Variants in POLR2E observed in about 807,000 individuals in gnomAD.
POLR2E encodes DNA-directed RNA polymerases I, II, and III subunit RPABC1.
A neutral mutation model predicts 29.8 loss-of-function variants in POLR2E; 35 were observed. The ratio of observed to expected loss-of-function variants is 1.17; its 90% CI spans 0.90 to 1.55. The LOEUF is 1.55. Among genes scored for constraint, POLR2E ranks in the 40% most tolerant of loss-of-function variants. The pLI, the probability that POLR2E is intolerant of heterozygous loss-of-function variation, is 0.00. For missense variants in POLR2E, 287 were observed against 288.6 expected (o/e 0.99, Z 0.04); for synonymous variants, 174 against 112.6 (o/e 1.55, Z -3.45).
At position 1,093,977 on chromosome 19, in the gene POLR2E, C is replaced by T. The variant is rs75657655; in HGVS notation, c.159G>A (p.Pro53=). The T allele has an allele frequency of 5.6e-3, 8,959 of 1,613,710 alleles. 452 individuals are homozygous for T. The African/African-American group carries it at 0.11, about 19-fold the overall frequency. The change falls in exon 2 of 8, where the codon CCG becomes CCA. Residue 53 remains proline (P), a synonymous_variant. Coordinates refer to ENST00000615234, the MANE Select transcript of POLR2E (RefSeq NM_002695.5). ...QSGDKPSEGR[P]RRTDLTVLVA... is the part of the protein sequence containing the mutation. ...CCAGCACGGTGAGGTCCGTGCGCCG[C>T]GGCCGCCCCTCACTCGGCTTGTCCC...
chr19:1,087,146 G>GTAA lies in POLR2E; in HGVS notation c.*1588_*1589insTTA, dbSNP rs1684965454. 1 of 151,916 alleles carries GTAA rather than the reference G, an allele frequency of 6.6e-6. No individual in the cohort carries two copies. The highest frequency in any genetic ancestry group is 1.5e-5 in the Non-Finnish European group (1 of 67,996). The allele number at this position is 151,916 out of a possible 1,614,324, so 9.4% of individuals were successfully genotyped here. A position where few individuals can be genotyped will look rare whatever the true frequency, so the allele number is the denominator to read the frequency against. On this transcript the variant is annotated 3_prime_UTR_variant, in exon 8 of 8. Coordinates refer to ENST00000615234, the MANE Select transcript of POLR2E (RefSeq NM_002695.5). ...GTTGGGATTACAGGTGTGAGCCACTGTGCCCAGGTAATCTTAAAGTTTTTT... is the reference window on the plus strand; with the variant it reads ...GTTGGGATTACAGGTGTGAGCCACTGTAATGCCCAGGTAATCTTAAAGTTTTTT...
Position 1,086,647 on chromosome 19 carries a change from C to A in POLR2E, c.*2088G>T, listed in dbSNP as rs778835110. On this transcript the variant is annotated 3_prime_UTR_variant, in exon 8 of 8. Coordinates refer to ENST00000615234, the MANE Select transcript of POLR2E (RefSeq NM_002695.5). Reference sequence around the variant, plus strand: ...AATCGGGTGTTTTCTGTGGCAGCTGCAAGCTTAGAAGATTTTCTGTGGCAG... The same window carrying A: ...AATCGGGTGTTTTCTGTGGCAGCTGAAAGCTTAGAAGATTTTCTGTGGCAG... 6.7e-6 allele frequency: 1 copy of A among 149,940 alleles called. No individual in the cohort carries two copies. Among genetic ancestry groups the A allele is most frequent in the Non-Finnish European group, 1.5e-5 (1 of 67,916 alleles). 9.3% of individuals were successfully genotyped at this position (149,940 alleles called of 1,614,324 possible).
At chr19:1,093,809 T>C (rs1041694465) in intron 2 of POLR2E, 95 bp downstream of exon 2, 3 of 1,447,352 alleles carry the variant, frequency 2.1e-6, no homozygotes, top group African/African-American at 1.5e-5. Flanking sequence ...AGACAAATGC[T>C]GGGCACCAGG....
rs150548859 is a variant in POLR2E, at chr19:1,091,002, G to A, written c.349-14C>T. 1.1e-3 allele frequency: 1,789 copies of A among 1,612,742 alleles called. 5 individuals carry two copies. Among genetic ancestry groups the A allele is most frequent in the African/African-American group, 0.011 (794 of 75,034 alleles). On this transcript the variant is annotated splice_polypyrimidine_tract_variant and intron_variant, in intron 3 of 7. Transcript: ENST00000615234. ...GTCGACCAGGGACTGGAAGAGAGCG[G>A]CTCTAAGGCACGGCCCGGAGGGGCC...
chr19:1,092,512 T>A (rs59143200), intron 2 of POLR2E, among the ~76,000 whole-genome samples: 1 of 151,344 alleles, frequency 6.6e-6, no homozygotes, highest in Non-Finnish European at 1.5e-5. Flanking sequence ...CCACCCTGGC[T>A]AACAAGGTGA....
Position 1,089,522 on chromosome 19 carries a change from C to A in POLR2E, c.597G>T (p.Thr199=), listed in dbSNP as rs146230282. 2.5e-6 allele frequency: 4 copies of A among 1,613,862 alleles called. No homozygotes were observed. Among genetic ancestry groups the A allele is most frequent in the Middle Eastern group, 1.7e-4 (1 of 6,060 alleles). ...GCCGGTAGGTGATGTACCTGCCAGC[C>A]GTCTCACTGGGCCGGATGATCTTCA... The part of the protein sequence containing the change: ...QVVKIIRPSE[T]AGRYITYRLV... The change falls in exon 7 of 8, where the codon ACG becomes ACT. Residue 199 remains threonine (T), a synonymous_variant. Transcript: ENST00000615234.
chr19:1,090,717 C>T (rs1490152242), intron 4 of POLR2E, among the ~76,000 whole-genome samples, 191 bp downstream of exon 4: 3 of 152,060 alleles, frequency 2.0e-5, no homozygotes, highest in Admixed American at 6.6e-5. Flanking sequence ...CGCGCCCGGC[C>T]GGGATCTGCA....
chr19:1,091,596 C>T (rs1053255564), intron 3 of POLR2E, 196 bp downstream of exon 3: 22 of 582,752 alleles, frequency 3.8e-5, no homozygotes, highest in Non-Finnish European at 6.5e-5. Context: ...GGGAGGACGG[C>T]GGCTGCCTGG....
At chr19:1,089,606 C>T (rs1381174078) in intron 6 of POLR2E, 55 bp from the exon 7 acceptor site, 8 of 1,440,964 alleles carry the variant, frequency 5.6e-6, no homozygotes, top group Non-Finnish European at 7.8e-6. Flanking sequence ...ACTGCAGTCA[C>T]CAGACAGCAG....
At position 1,092,642 on chromosome 19, in the gene POLR2E, T is replaced by C. The variant is rs540549190; in HGVS notation, c.233-735A>G. Among the ~76,000 whole-genome samples the C allele has an allele frequency of 1.4e-3, 216 of 151,802 alleles. 3 individuals are homozygous for C. Among genetic ancestry groups the C allele is most frequent in the South Asian group, 0.012 (58 of 4,806 alleles). ...GGCAGAGCTTGCAGTGGGCAGAGATTGCGCCACTGCACTCCAGCCTGGGCA... is the reference window on the plus strand; with the variant it reads ...GGCAGAGCTTGCAGTGGGCAGAGATCGCGCCACTGCACTCCAGCCTGGGCA... On this transcript the variant is annotated intron_variant, in intron 2 of 7. Transcript: ENST00000615234.
At chr19:1,094,659 T>C (rs1599798436) in intron 1 of POLR2E, 2 of 156,400 alleles carry the variant, frequency 1.3e-5, no homozygotes, top group African/African-American at 4.8e-5. Context: ...GGGCAAAGGG[T>C]GGGAAGCAAG....
rs1227956975 is a variant in POLR2E, at chr19:1,095,254, C to T, written c.57+5G>A. On this transcript the variant is annotated splice_donor_5th_base_variant and intron_variant, in intron 1 of 7. Coordinates refer to ENST00000615234, the MANE Select transcript of POLR2E (RefSeq NM_002695.5). The stretch of plus-strand genomic sequence containing the variant: ...CCCCCGCCCCCAACACCAGGCGCGG[C>T]TCACCTGCATGATGGTCTTGCGGAT... The T allele has an allele frequency of 6.8e-6, 11 of 1,612,786 alleles. No homozygotes were observed. Among genetic ancestry groups the T allele is most frequent in the Admixed American group, 6.7e-5 (4 of 59,992 alleles).
At chr19:1,093,175 G>A (rs1426114472) in intron 2 of POLR2E, among the ~76,000 whole-genome samples, 3 of 151,884 alleles carry the variant, frequency 2.0e-5, no homozygotes, top group Non-Finnish European at 4.4e-5. Flanking sequence ...GACAGATTGA[G>A]ACTCTTTTTC....
At position 1,087,666 on chromosome 19, in the gene POLR2E, A is replaced by G. The variant is rs1599787034; in HGVS notation, c.*1069T>C. On this transcript the variant is annotated 3_prime_UTR_variant, in exon 8 of 8. Coordinates refer to ENST00000615234, the MANE Select transcript of POLR2E (RefSeq NM_002695.5). The stretch of plus-strand genomic sequence containing the variant: ...GGTCTGGCTTGCTTTGGCCAAGACA[A>G]TTTTGAAAAAAGTACATTTGGAGAG... 1 of 151,574 alleles carries G rather than the reference A, an allele frequency of 6.6e-6. No individual in the cohort carries two copies. The highest frequency in any genetic ancestry group is 1.5e-5 in the Non-Finnish European group (1 of 67,820). 9.4% of individuals were successfully genotyped at this position (151,574 alleles called of 1,614,324 possible). A position where few individuals can be genotyped will look rare whatever the true frequency, so the allele number is the denominator to read the frequency against.
intron 1 of POLR2E, chr19:1,094,926 G>A (rs974527763): frequency 1.5e-5 from 6 of 408,392 alleles, no homozygotes; most frequent in Admixed American, 8.5e-5. Flanking sequence ...TAGCGACGCT[G>A]AATCACAGAG....
intron 4 of POLR2E, 105 bp from the exon 5 acceptor site, chr19:1,090,250 G>T: frequency 1.0e-6 from 1 of 958,894 alleles, no homozygotes; most frequent in Non-Finnish European, 1.6e-6. Flanking sequence ...CAAGAGCCCT[G>T]AACCCCACCC....
chr19:1,094,928 A>C, intron 1 of POLR2E: 1 of 410,232 alleles, frequency 2.4e-6, no homozygotes, highest in South Asian at 4.4e-5. Flanking sequence ...GCGACGCTGA[A>C]TCACAGAGAA....
Position 1,088,459 on chromosome 19 carries a change from A to C in POLR2E, c.*276T>G, listed in dbSNP as rs1422391118. 1 of 152,224 alleles carries C rather than the reference A, an allele frequency of 6.6e-6. No homozygotes were observed. The highest frequency in any genetic ancestry group is 2.4e-5 in the African/African-American group (1 of 41,420). The allele number at this position is 152,224 out of a possible 1,614,324, so 9.4% of individuals were successfully genotyped here. ...GGGACCCAGCGTGGTCTGGGTGAAG[A>C]CCCGGCACCAGCTGCCCCCAGGTGA... On this transcript the variant is annotated 3_prime_UTR_variant, in exon 8 of 8. Coordinates refer to ENST00000615234, the MANE Select transcript of POLR2E (RefSeq NM_002695.5).
intron 2 of POLR2E, among the ~76,000 whole-genome samples, chr19:1,093,030 C>G (rs2043870507): frequency 6.6e-6 from 1 of 151,666 alleles, no homozygotes; most frequent in Non-Finnish European, 1.5e-5. Context: ...TACTAAAATG[C>G]AAAGAAAAAC....
Sources: allele counts gnomAD v4.1 joint callset (sites outside exome capture counted in the v4.1 genomes callset), GRCh38; gene constraint gnomAD v4.1.1; transcripts MANE v1.5; gene names NCBI Gene and HGNC (gene_info 2026-07-23, HGNC 2026-07-21).